Variants in RPP14 observed in about 807,000 individuals in gnomAD.
The protein encoded by RPP14 is ribonuclease P protein subunit p14.
In RPP14, 19 loss-of-function variants were observed where a neutral mutation model predicts 17.8. The observed-to-expected ratio is 1.07, with a 90% CI of 0.74 to 1.57. RPP14 has a LOEUF of 1.57. Ranked by LOEUF, RPP14 falls within the 40% of genes most tolerant of loss-of-function variation. The probability of loss-of-function intolerance (pLI) is 0.00; values close to 1 mark genes in which losing one functional copy is unlikely to be tolerated. For synonymous variants in RPP14, 60 were observed against 56.4 expected (o/e 1.06, Z -0.29); for missense variants, 125 against 140.8 (o/e 0.89, Z 0.57).
Position 58,320,031 on chromosome 3 carries a change from G to A in RPP14, c.*2535G>A, listed in dbSNP as rs559252505. 1.3e-4 allele frequency: 19 copies of A among 151,920 alleles called. No individual in the cohort carries two copies. Among genetic ancestry groups the A allele is most frequent in the African/African-American group, 4.6e-4 (19 of 41,356 alleles). 9.4% of individuals were successfully genotyped at this position (151,920 alleles called of 1,614,324 possible). Reference sequence around the variant, plus strand: ...CACCAGTCTACTTTCTGTCTCTATGGGTTTCCCTGTTCTGGACATTTCATA... The same window carrying A: ...CACCAGTCTACTTTCTGTCTCTATGAGTTTCCCTGTTCTGGACATTTCATA... On this transcript the variant is annotated 3_prime_UTR_variant, in exon 6 of 6. Transcript: ENST00000295959.
Position 58,317,493 on chromosome 3 carries a change from T to C in RPP14, c.372T>C (p.Asp124=), listed in dbSNP as rs561343765. 3.2e-6 allele frequency: 5 copies of C among 1,578,756 alleles called. No homozygotes were observed. The Admixed American group carries it at 5.1e-5, about 16-fold the overall frequency. Residue 124 remains aspartate, a synonymous_variant, in exon 6 of 6, where the codon GAT becomes GAC. Coordinates refer to ENST00000295959, the MANE Select transcript of RPP14 (RefSeq NM_007042.6). ...GTAATAGTAGGGAACTAGTATTGGA[T>C]TGAATGAATAGTCTTCCATTTTGGA... ...LSGNSRELVL[D]
rs1262318877 is a variant in RPP14, at chr3:58,318,158, C to CTG, written c.*664_*665dup. 2 of 615,062 alleles carry CTG rather than the reference C, an allele frequency of 3.3e-6. No individual in the cohort carries two copies. Among genetic ancestry groups the CTG allele is most frequent in the African/African-American group, 3.7e-5 (2 of 54,134 alleles). The allele number at this position is 615,062 out of a possible 1,614,324, so 38.1% of individuals were successfully genotyped here. On this transcript the variant is annotated 3_prime_UTR_variant, in exon 6 of 6. Transcript: ENST00000295959. ...AAAGATGCAACCTCAAACACCAATGCTGTTGTTAAAGAGCCTATGGGGAAT... is the reference window on the plus strand; with the variant it reads ...AAAGATGCAACCTCAAACACCAATGCTGTGTTGTTAAAGAGCCTATGGGGAAT...
At chr3:58,312,833 C>T (rs145267207) in intron 3 of RPP14, among the ~76,000 whole-genome samples, 242 of 152,014 alleles carry the variant, frequency 1.6e-3, no homozygotes, top group South Asian at 2.9e-3. Context: ...TGGTGGCGCA[C>T]GCTTGTAGTC....
chr3:58,310,032 T>C (rs1188632535), intron 1 of RPP14: 2 of 338,084 alleles, frequency 5.9e-6, no homozygotes, highest in East Asian at 1.1e-4. Context: ...AAACCCTGTC[T>C]CTACAAAAAA....
chr3:58,306,352 G>C lies in RPP14; in HGVS notation c.-87G>C, dbSNP rs1306315130. The C allele has an allele frequency of 2.0e-5, 3 of 152,398 alleles. No individual in the cohort carries two copies. Among genetic ancestry groups the C allele is most frequent in the African/African-American group, 4.8e-5 (2 of 41,480 alleles). 9.4% of individuals were successfully genotyped at this position (152,398 alleles called of 1,614,324 possible). On this transcript the variant is annotated 5_prime_UTR_variant, in exon 1 of 6. Transcript: ENST00000295959. The stretch of plus-strand genomic sequence containing the variant: ...TGTGGCTGCTGCCGGGGAGCCCCAA[G>C]CCTTGGCGGGTCCTTGCGGCGAATA...
intron 3 of RPP14, among the ~76,000 whole-genome samples, chr3:58,316,179 A>T (rs9837903): frequency 0.07 from 10,701 of 152,316 alleles, 491 homozygotes; most frequent in South Asian, 0.1. Flanking sequence ...ATGTTGGACA[A>T]TTAGTGACAA....
intron 3 of RPP14, among the ~76,000 whole-genome samples, chr3:58,315,291 A>G (rs1280530701): frequency 6.6e-6 from 1 of 151,812 alleles, no homozygotes; most frequent in Non-Finnish European, 1.5e-5. Flanking sequence ...ATCCCAAAAC[A>G]TGACATACTG....
Position 58,316,815 on chromosome 3 carries a change from A to T in RPP14, c.240-100A>T. The T allele has an allele frequency of 3.7e-6, 4 of 1,090,504 alleles. No individual in the cohort carries two copies. The South Asian group carries it at 5.7e-5, about 16-fold the overall frequency. 67.6% of individuals were successfully genotyped at this position (1,090,504 alleles called of 1,614,324 possible). Reference sequence around the variant, plus strand: ...AGCTGTAGTTTTCCCATTGATGGTTATAGTTGCAAAGTCAGAAGTGAATAT... The same window carrying T: ...AGCTGTAGTTTTCCCATTGATGGTTTTAGTTGCAAAGTCAGAAGTGAATAT... On this transcript the variant is annotated intron_variant, in intron 4 of 5. Transcript: ENST00000295959.
rs34820106 is a variant in RPP14, at chr3:58,318,495, C to CA, written c.*1020dup. The CA allele has an allele frequency of 0.39, 33,007 of 83,784 alleles. 6,923 individuals carry two copies. Among genetic ancestry groups the CA allele is most frequent in the African/African-American group, 0.52 (11,343 of 21,716 alleles). 5.2% of individuals were successfully genotyped at this position (83,784 alleles called of 1,614,324 possible). On this transcript the variant is annotated 3_prime_UTR_variant, in exon 6 of 6. Transcript: ENST00000295959. ...CAACATGGTGAAACCCCATCTCTAC[C>CA]AAAAAAAAAAAAAAAAAAAAAGTGC...
At chr3:58,311,467 T>C (rs1199676799) in intron 3 of RPP14, among the ~76,000 whole-genome samples, 1 of 152,214 alleles carries the variant, frequency 6.6e-6, no homozygotes, top group African/African-American at 2.4e-5. Context: ...TCTGCTTTTT[T>C]AGCTCTCACA....
chr3:58,311,906 C>T (rs1019558820), intron 3 of RPP14, among the ~76,000 whole-genome samples: 3 of 151,996 alleles, frequency 2.0e-5, no homozygotes, highest in African/African-American at 2.4e-5. Flanking sequence ...GAAGTCTTGC[C>T]GTGATGCCCA....
intron 3 of RPP14, among the ~76,000 whole-genome samples, chr3:58,316,085 G>A (rs189041089): frequency 2.6e-5 from 4 of 152,228 alleles, no homozygotes; most frequent in Admixed American, 6.5e-5. Context: ...AGAAAACCTC[G>A]TTCCTGGGGT....
At position 58,318,368 on chromosome 3, in the gene RPP14, A is replaced by G. The variant is rs1203724759; in HGVS notation, c.*872A>G. 2 of 348,790 alleles carry G rather than the reference A, an allele frequency of 5.7e-6. No homozygotes were observed. The highest frequency in any genetic ancestry group is 1.0e-5 in the Non-Finnish European group (2 of 194,108). The allele number at this position is 348,790 out of a possible 1,614,324, so 21.6% of individuals were successfully genotyped here. On this transcript the variant is annotated 3_prime_UTR_variant, in exon 6 of 6. Transcript: ENST00000295959. ...TTGTTTGTTTTTTGTTTTTTAATTC[A>G]AGAAGTAGGCTGGGCCCGGTGGCTC...
chr3:58,314,787 C>T (rs748036626), intron 3 of RPP14, among the ~76,000 whole-genome samples: 4 of 147,290 alleles, frequency 2.7e-5, no homozygotes, highest in Non-Finnish European at 5.9e-5. Context: ...CAGGTTCAGG[C>T]GATTCTCCTG....
intron 3 of RPP14, among the ~76,000 whole-genome samples, chr3:58,312,573 T>C (rs1474390954): frequency 6.6e-6 from 1 of 152,166 alleles, no homozygotes; most frequent in Non-Finnish European, 1.5e-5. Flanking sequence ...TGTAGCACAG[T>C]GCTACTCAAA....
intron 3 of RPP14, chr3:58,315,683 T>G (rs1030036770): frequency 1.3e-5 from 2 of 152,212 alleles, no homozygotes; most frequent in African/African-American, 2.4e-5. Flanking sequence ...TTTATTTATT[T>G]ATTTATTTTT....
chr3:58,310,314 A>G lies in RPP14; in HGVS notation c.-16A>G. ...GCCCTCTTGACTTACTGTAGGTGTGATCAGCACTGGAAAAGATGCCTGCCC... is the reference window on the plus strand; with the variant it reads ...GCCCTCTTGACTTACTGTAGGTGTGGTCAGCACTGGAAAAGATGCCTGCCC... On this transcript the variant is annotated 5_prime_UTR_variant, in exon 2 of 6. Transcript: ENST00000295959. 1 of 1,612,748 alleles carries G rather than the reference A, an allele frequency of 6.2e-7. No individual in the cohort carries two copies. Among genetic ancestry groups the G allele is most frequent in the Non-Finnish European group, 8.5e-7 (1 of 1,178,712 alleles).
At chr3:58,310,612 T>C (rs764093928) in intron 3 of RPP14, 21 bp downstream of exon 3, 83 of 1,582,960 alleles carry the variant, frequency 5.2e-5, no homozygotes, top group East Asian at 8.9e-5. Flanking sequence ...ACTTGGTAGA[T>C]TGAACATTCC....
chr3:58,309,968 G>C (rs908776675), intron 1 of RPP14: 5 of 209,570 alleles, frequency 2.4e-5, no homozygotes, highest in Non-Finnish European at 4.9e-5. Context: ...GGGAGGCTGA[G>C]TTGGGCAAAT....
Sources: gnomAD v4.1 joint callset for allele counts (sites outside exome capture counted in the v4.1 genomes callset) on GRCh38, gnomAD v4.1.1 for gene constraint, MANE v1.5 for transcripts, NCBI Gene and HGNC (gene_info 2026-07-23, HGNC 2026-07-21) for gene names.